Variants in CFAP54 observed in about 807,000 individuals in gnomAD.
CFAP54 encodes cilia- and flagella-associated protein 54.
Under a neutral mutation model 370.4 loss-of-function variants are expected in CFAP54, and 290 were observed. That is an observed-to-expected ratio of 0.78 (90% CI 0.71 to 0.86). The LOEUF (loss-of-function observed/expected upper bound fraction) is 0.86. Among genes scored for constraint, CFAP54 ranks in the 40% least tolerant of loss-of-function variants. CFAP54 has a pLI of 0.00. For synonymous variants in CFAP54, 1,206 were observed against 1,236.5 expected, an observed-to-expected ratio of 0.98 and a Z score of 0.52; for missense variants, 3,399 against 3,528.7, an observed-to-expected ratio of 0.96 and a Z score of 0.93.
At chr12:96,669,106 C>T (rs1188285013) in intron 39 of CFAP54, among the ~76,000 whole-genome samples, 1 of 152,118 alleles carries the variant, frequency 6.6e-6, no homozygotes, top group Non-Finnish European at 1.5e-5. Flanking sequence ...CTGCCATAAA[C>T]AATAATAGTT....
chr12:96,796,199 C>A (rs1958760115), intron 63 of CFAP54, among the ~76,000 whole-genome samples: 1 of 152,180 alleles, frequency 6.6e-6, no homozygotes, highest in African/African-American at 2.4e-5. Context: ...TCTCAGCTTT[C>A]CTGGTATGTT....
chr12:96,642,640 A>C (rs966124093), intron 32 of CFAP54, among the ~76,000 whole-genome samples: 1 of 152,194 alleles, frequency 6.6e-6, no homozygotes, highest in Admixed American at 6.5e-5. Flanking sequence ...TGCTAATGTC[A>C]ATACGCTAGC....
intron 52 of CFAP54, 51 bp downstream of exon 52, chr12:96,742,637 G>C: frequency 6.7e-7 from 1 of 1,483,126 alleles, no homozygotes; most frequent in Non-Finnish European, 9.2e-7. Context: ...TTTTACATAG[G>C]TGAAGAGGGG....
intron 27 of CFAP54, among the ~76,000 whole-genome samples, chr12:96,622,848 T>G (rs1956514217): frequency 6.6e-6 from 1 of 152,230 alleles, no homozygotes; most frequent in Non-Finnish European, 1.5e-5. Flanking sequence ...TGGATGACTT[T>G]TTAAGCTATA....
chr12:96,777,795 C>G (rs914103469), intron 60 of CFAP54, among the ~76,000 whole-genome samples: 1 of 151,808 alleles, frequency 6.6e-6, no homozygotes, highest in Non-Finnish European at 1.5e-5. Context: ...GGCCATTAAA[C>G]TTACCATTGC....
chr12:96,675,750 A>G (rs1957198788), intron 39 of CFAP54, among the ~76,000 whole-genome samples: 2 of 152,300 alleles, frequency 1.3e-5, no homozygotes, highest in Admixed American at 1.3e-4. Context: ...ATGGAATACT[A>G]TGCAGCCATA....
intron 4 of CFAP54, among the ~76,000 whole-genome samples, chr12:96,507,568 CACAT>C (rs1955121232): frequency 5.4e-5 from 8 of 149,226 alleles, no homozygotes; most frequent in Non-Finnish European, 9.0e-5. Flanking sequence ...CATACACACA[CACAT>C]ATGTACATTA....
chr12:96,576,316 C>T (rs944748922), intron 19 of CFAP54, among the ~76,000 whole-genome samples: 9 of 151,402 alleles, frequency 5.9e-5, no homozygotes, highest in African/African-American at 2.2e-4. Flanking sequence ...AAATGTACTA[C>T]CTCATATTCA....
chr12:96,794,332 T>C (rs1013504599), intron 63 of CFAP54, among the ~76,000 whole-genome samples: 5 of 152,184 alleles, frequency 3.3e-5, no homozygotes, highest in African/African-American at 1.2e-4. Flanking sequence ...TCAAATACAT[T>C]TTCCAAACTT....
chr12:96,537,996 G>A (rs1005777923), intron 12 of CFAP54, among the ~76,000 whole-genome samples: 14 of 152,012 alleles, frequency 9.2e-5, no homozygotes, highest in African/African-American at 3.4e-4. Context: ...GCTGAGGCAC[G>A]AGAATCGCTT....
Position 96,685,235 on chromosome 12 carries a change from C to G in CFAP54, c.6011C>G (p.Ala2004Gly). The G allele has an allele frequency of 6.2e-7, 1 of 1,613,660 alleles. No individual in the cohort carries two copies. Among genetic ancestry groups the G allele is most frequent in the East Asian group, 2.2e-5 (1 of 44,866 alleles). The change falls in exon 42 of 68, where the codon GCA becomes GGA. Residue 2004 changes from alanine to glycine, a missense_variant. Ala to Gly is a moderately conservative substitution (Grantham distance 60). Transcript: ENST00000524981. ...GGAGCAGTCATATCAGCAAAGATAG[C>G]ACAGTGAGTGTGAGGATGGAAGGAT... ...LQGAVISAKIAQFIKSLNVEK... is the reference protein window; with the variant it reads ...LQGAVISAKIGQFIKSLNVEK...
At chr12:96,595,102 GT>G (rs1451413673) in intron 25 of CFAP54, among the ~76,000 whole-genome samples, 2 of 152,142 alleles carry the variant, frequency 1.3e-5, no homozygotes, top group Non-Finnish European at 2.9e-5. Context: ...TGAGTTCACT[GT>G]TATTGATAGA....
In CFAP54 at chr12:96,872,566, A is replaced by G. The variant is rs1051231310; in HGVS notation, c.*15-2552A>G. ...TGCCAGAGGTGAAATAAAACATTTT[A>G]TAATGATGAAAGCATCATTTCATTA... is the stretch of plus-strand genomic sequence containing the variant. On this transcript the variant is annotated intron_variant, in intron 67 of 67. Transcript: ENST00000524981. Among the ~76,000 whole-genome samples, 3 of 152,252 alleles carry G rather than the reference A, an allele frequency of 2.0e-5. No individual in the cohort carries two copies. In the South Asian group the frequency reaches 6.2e-4, roughly 31 times the overall value.
At chr12:96,601,586 G>A (rs750291950) in intron 26 of CFAP54, among the ~76,000 whole-genome samples, 6 of 152,072 alleles carry the variant, frequency 3.9e-5, no homozygotes, top group Non-Finnish European at 7.4e-5. Context: ...ATCTGGTCCT[G>A]GACTTTTTTT....
At chr12:96,736,536 G>A (rs1023831256) in intron 50 of CFAP54, among the ~76,000 whole-genome samples, 2 of 152,152 alleles carry the variant, frequency 1.3e-5, no homozygotes, top group Non-Finnish European at 2.9e-5. Context: ...CCAGAAGGAT[G>A]GGATGTTTGA....
chr12:96,599,589 C>T (rs1440733130), intron 26 of CFAP54, among the ~76,000 whole-genome samples: 1 of 152,210 alleles, frequency 6.6e-6, no homozygotes. Flanking sequence ...GCCACACTGT[C>T]TTCCACAATG....
intron 58 of CFAP54, among the ~76,000 whole-genome samples, chr12:96,762,606 A>T (rs1424811641): frequency 6.6e-6 from 1 of 152,126 alleles, no homozygotes; most frequent in Non-Finnish European, 1.5e-5. Context: ...TGGCTGGGTC[A>T]CTAGTTGGTC....
At chr12:96,626,739 C>T in intron 29 of CFAP54, 74 bp from the exon 30 acceptor site, 1 of 835,312 alleles carries the variant, frequency 1.2e-6, no homozygotes, top group Non-Finnish European at 1.6e-6. Context: ...AAAATGACTG[C>T]TAGCACTGGC....
chr12:96,864,879 C>T (rs952558907), intron 67 of CFAP54, among the ~76,000 whole-genome samples: 15 of 151,954 alleles, frequency 9.9e-5, no homozygotes, highest in Non-Finnish European at 1.5e-5. Flanking sequence ...TATAGGATGC[C>T]CATAAAACCT....
Sources: gnomAD v4.1 joint callset for allele counts (sites outside exome capture counted in the v4.1 genomes callset) on GRCh38, gnomAD v4.1.1 for gene constraint, MANE v1.5 for transcripts, NCBI Gene and HGNC (gene_info 2026-07-23, HGNC 2026-07-21) for gene names.